Variants in NBEA observed in about 807,000 individuals in gnomAD.
NBEA encodes the protein neurobeachin.
NBEA carries 44 observed loss-of-function variants against 343.4 expected under a neutral mutation model. The observed-to-expected ratio is 0.13, with a 90% CI of 0.10 to 0.16. The LOEUF is 0.16. Ranked by LOEUF, NBEA falls within the 10% of genes least tolerant of loss-of-function variation. The probability of loss-of-function intolerance (pLI) is 1.00; values close to 1 mark genes in which losing one functional copy is unlikely to be tolerated. For synonymous variants in NBEA, 1,175 were observed against 1,238.7 expected (o/e 0.95, Z 1.08); for missense variants, 2,555 against 3,631.3 (o/e 0.70, Z 7.62).
In NBEA at chr13:35,142,341, C is replaced by T. The variant is rs1731678186; in HGVS notation, c.2409C>T (p.Asn803=). Residue 803 remains asparagine (N), a synonymous_variant, in exon 18 of 59, where the codon AAC becomes AAT. Transcript: ENST00000379939. ...LLGERLMLHT[N]TVTVTTYNTL... ...GAGAAAGGCTGATGTTGCATACAAA[C>T]ACTGTGACTGTCACCACATACAACA... 1 of 1,612,998 alleles carries T rather than the reference C, an allele frequency of 6.2e-7. No individual in the cohort carries two copies. Among genetic ancestry groups the T allele is most frequent in the African/African-American group, 1.3e-5 (1 of 74,890 alleles).
chr13:35,404,600 T>A (rs1426123208), intron 38 of NBEA, among the ~76,000 whole-genome samples: 1 of 104,780 alleles, frequency 9.5e-6, no homozygotes, highest in African/African-American at 3.8e-5. Context: ...CTGGGGACTG[T>A]TGTGGGGTGG....
chr13:35,020,428 G>T (rs1236073908), intron 1 of NBEA, among the ~76,000 whole-genome samples: 7 of 151,990 alleles, frequency 4.6e-5, no homozygotes, highest in African/African-American at 1.7e-4. Flanking sequence ...ACTGTTTCTT[G>T]TACGCTTTTA....
At chr13:35,552,782 C>T (rs2079393944) in intron 43 of NBEA, among the ~76,000 whole-genome samples, 1 of 152,136 alleles carries the variant, frequency 6.6e-6, no homozygotes, top group African/African-American at 2.4e-5. Flanking sequence ...CTTGTCTGGA[C>T]CGGAATTCAT....
At chr13:35,008,554 T>A (rs1249589559) in intron 1 of NBEA, among the ~76,000 whole-genome samples, 6 of 152,196 alleles carry the variant, frequency 3.9e-5, no homozygotes, top group Admixed American at 6.5e-5. Context: ...TCCATAGTTG[T>A]TTGAATCCAT....
At chr13:35,597,058 T>A (rs867382792) in intron 47 of NBEA, among the ~76,000 whole-genome samples, 2 of 152,304 alleles carry the variant, frequency 1.3e-5, no homozygotes, top group Middle Eastern at 6.8e-3. Flanking sequence ...TCAGATTTGA[T>A]GCAATAGGTA....
chr13:35,272,251 A>C (rs1487917620), intron 34 of NBEA, among the ~76,000 whole-genome samples: 1 of 152,182 alleles, frequency 6.6e-6, no homozygotes, highest in Non-Finnish European at 1.5e-5. Context: ...TATCCAGCCA[A>C]ACTAACCTTC....
At chr13:35,494,950 G>A (rs529411010) in intron 41 of NBEA, among the ~76,000 whole-genome samples, 8 of 151,806 alleles carry the variant, frequency 5.3e-5, no homozygotes, top group South Asian at 2.1e-4. Flanking sequence ...GATTGAAGCC[G>A]CAGTGAGCTG....
At chr13:35,249,151 C>CAAAAAAAAAA (rs1179922550) in intron 34 of NBEA, among the ~76,000 whole-genome samples, 2 of 49,708 alleles carry the variant, frequency 4.0e-5, no homozygotes, top group African/African-American at 7.4e-5. Context: ...CTCCATCTTA[C>CAAAAAAAAAA]AAAAAAAAAA....
intron 28 of NBEA, among the ~76,000 whole-genome samples, chr13:35,177,927 A>T (rs1411706064): frequency 2.0e-5 from 3 of 151,736 alleles, no homozygotes; most frequent in Non-Finnish European, 4.4e-5. Context: ...AGGTTATATA[A>T]CATAATGCTA....
intron 16 of NBEA, among the ~76,000 whole-genome samples, chr13:35,123,017 G>T (rs779404520): frequency 2.3e-4 from 35 of 152,156 alleles, no homozygotes; most frequent in Non-Finnish European, 4.6e-4. Context: ...GGGTTAGGGT[G>T]CAGGTGGCTC....
chr13:35,507,210 C>G (rs1487099504), intron 41 of NBEA, among the ~76,000 whole-genome samples: 1 of 152,160 alleles, frequency 6.6e-6, no homozygotes, highest in Non-Finnish European at 1.5e-5. Context: ...TACTCCTGTT[C>G]TACCTCACTC....
chr13:35,049,033 C>A (rs754627128), intron 5 of NBEA, among the ~76,000 whole-genome samples: 27 of 151,858 alleles, frequency 1.8e-4, no homozygotes, highest in Non-Finnish European at 3.0e-4. Context: ...AGATTTCATT[C>A]ATTTTTGCCT....
At position 35,015,127 on chromosome 13, in the gene NBEA, G is replaced by GAAAAAAAAAAAAA. The variant is rs771271035; in HGVS notation, c.295-25794_295-25793insAAAAAAAAAAAAA. On this transcript the variant is annotated intron_variant, in intron 1 of 58. Coordinates refer to ENST00000379939, the MANE Select transcript of NBEA (RefSeq NM_001385012.1). The stretch of plus-strand genomic sequence containing the variant: ...TTCTCAACAAAAAGCAACGAGATCT[G>GAAAAAAAAAAAAA]AAAAAAAAAAAACAAACAAAAAAAA... Among the ~76,000 whole-genome samples, 9 of 18,328 alleles carry GAAAAAAAAAAAAA rather than the reference G, an allele frequency of 4.9e-4. 4 individuals are homozygous for GAAAAAAAAAAAAA. Among genetic ancestry groups the GAAAAAAAAAAAAA allele is most frequent in the African/African-American group, 7.2e-4 (3 of 4,156 alleles). 12.0% of individuals were successfully genotyped at this position (18,328 alleles called of 152,430 possible). A position where few individuals can be genotyped will look rare whatever the true frequency, so the allele number is the denominator to read the frequency against.
intron 7 of NBEA, among the ~76,000 whole-genome samples, chr13:35,057,085 G>A (rs914476661): frequency 8.6e-5 from 13 of 152,000 alleles, no homozygotes; most frequent in African/African-American, 2.9e-4. Flanking sequence ...TCTACATTCC[G>A]GCCTGTCAGA....
intron 1 of NBEA, among the ~76,000 whole-genome samples, chr13:35,023,321 C>T (rs2061909956): frequency 6.6e-6 from 1 of 152,240 alleles, no homozygotes. Flanking sequence ...TGGGAGAAGT[C>T]ACCTACAGGT....
At chr13:35,142,402 A>C in intron 18 of NBEA, 25 bp downstream of exon 18, 1 of 1,550,720 alleles carries the variant, frequency 6.4e-7, no homozygotes, top group Non-Finnish European at 8.9e-7. Context: ...TGTGTGATGA[A>C]AGTTTTAAGT....
At chr13:35,618,458 G>A (rs955479692) in intron 48 of NBEA, among the ~76,000 whole-genome samples, 1 of 152,088 alleles carries the variant, frequency 6.6e-6, no homozygotes, top group African/African-American at 2.4e-5. Flanking sequence ...TGTTGTTTAA[G>A]TTATGGACAA....
chr13:35,650,964 C>G lies in NBEA; in HGVS notation c.7964-841C>G, dbSNP rs80145802. 8.5e-3 allele frequency among the ~76,000 whole-genome samples: 1,295 copies of G among 152,210 alleles called. 12 individuals are homozygous for G. Among genetic ancestry groups the G allele is most frequent in the Non-Finnish European group, 0.013 (910 of 68,024 alleles). Reference sequence around the variant, plus strand: ...ATCTCCTAAGAGTTTCTAAGTGCACCTATTTTAAGGTTATTGGTGATATTA... The same window carrying G: ...ATCTCCTAAGAGTTTCTAAGTGCACGTATTTTAAGGTTATTGGTGATATTA... On this transcript the variant is annotated intron_variant, in intron 52 of 58. Transcript: ENST00000379939.
At chr13:35,584,372 G>T (rs911480057) in intron 46 of NBEA, among the ~76,000 whole-genome samples, 2 of 147,958 alleles carry the variant, frequency 1.4e-5, no homozygotes, top group African/African-American at 2.5e-5. Flanking sequence ...GGCTAGAGTT[G>T]CAGTAGCACT....
Sources: gnomAD v4.1 joint callset for allele counts (sites outside exome capture counted in the v4.1 genomes callset) on GRCh38, gnomAD v4.1.1 for gene constraint, MANE v1.5 for transcripts, NCBI Gene and HGNC (gene_info 2026-07-23, HGNC 2026-07-21) for gene names.